CAMK1D: variants seen among roughly 807,000 people sequenced by gnomAD.
CAMK1D encodes the protein calcium/calmodulin dependent protein kinase ID.
A neutral mutation model predicts 47.7 loss-of-function variants in CAMK1D; 9 were observed. The ratio of observed to expected loss-of-function variants is 0.19; its 90% CI spans 0.11 to 0.33. CAMK1D has a LOEUF of 0.33. CAMK1D is among the 10% of genes least tolerant of loss of function. The pLI is 1.00. For missense variants in CAMK1D, 291 were observed against 488.7 expected, an observed-to-expected ratio of 0.60 and a Z score of 3.81; for synonymous variants, 184 against 184.9, an observed-to-expected ratio of 0.99 and a Z score of 0.04.
chr10:12,468,168 G>A (rs893672167), intron 1 of CAMK1D, among the ~76,000 whole-genome samples: 4 of 152,168 alleles, frequency 2.6e-5, no homozygotes, highest in African/African-American at 9.7e-5. Context: ...TGATCCTCCC[G>A]CCTCAGCTTC....
intron 5 of CAMK1D, among the ~76,000 whole-genome samples, chr10:12,786,490 C>T (rs1837727592): frequency 6.6e-6 from 1 of 152,238 alleles, no homozygotes; most frequent in Non-Finnish European, 1.5e-5. Context: ...TAATTTAGAA[C>T]TTTTCCCCCA....
intron 2 of CAMK1D, among the ~76,000 whole-genome samples, chr10:12,662,733 T>A (rs1840311307): frequency 6.6e-6 from 1 of 152,114 alleles, no homozygotes. Flanking sequence ...AACTGGATAT[T>A]CAGTAATTAA....
intron 3 of CAMK1D, among the ~76,000 whole-genome samples, chr10:12,692,507 A>T (rs1407044024): frequency 6.6e-6 from 1 of 152,242 alleles, no homozygotes; most frequent in Non-Finnish European, 1.5e-5. Context: ...GAAATGTCAT[A>T]ACGTTGTTTA....
chr10:12,553,218 T>C lies in CAMK1D; in HGVS notation c.93-7T>C. On this transcript the variant is annotated splice_region_variant and splice_polypyrimidine_tract_variant and intron_variant, in intron 1 of 10. Coordinates refer to ENST00000619168, the MANE Select transcript of CAMK1D (RefSeq NM_153498.4). ...CTAAGTGTTCTTTTTTCCTTCTTTG[T>C]TCACAGCGGGGCCTTTTCCGAAGTG... The C allele has an allele frequency of 6.2e-7, 1 of 1,614,084 alleles. No homozygotes were observed. The highest frequency in any genetic ancestry group is 8.5e-7 in the Non-Finnish European group (1 of 1,179,952).
intron 1 of CAMK1D, among the ~76,000 whole-genome samples, chr10:12,464,108 C>T (rs1418219515): frequency 6.6e-6 from 1 of 152,154 alleles, no homozygotes; most frequent in Non-Finnish European, 1.5e-5. Context: ...GACTAATACA[C>T]CCCTGCTTAG....
intron 6 of CAMK1D, among the ~76,000 whole-genome samples, chr10:12,810,570 C>T (rs567610801): frequency 4.6e-5 from 7 of 152,202 alleles, no homozygotes; most frequent in Non-Finnish European, 7.3e-5. Context: ...CCACCACACC[C>T]GGCCCAGGTA....
chr10:12,578,899 G>A (rs1360113260), intron 2 of CAMK1D: 1 of 154,176 alleles, frequency 6.5e-6, no homozygotes, highest in Admixed American at 6.5e-5. Context: ...GTTTTCAGGT[G>A]CTATGTGAAC....
chr10:12,368,197 T>TC (rs1837901142), intron 1 of CAMK1D, among the ~76,000 whole-genome samples: 1 of 43,714 alleles, frequency 2.3e-5, no homozygotes, highest in African/African-American at 7.7e-5. Flanking sequence ...AGACTCCGTC[T>TC]CAAAAAAAAA....
intron 1 of CAMK1D, among the ~76,000 whole-genome samples, chr10:12,363,026 T>C (rs1373878296): frequency 6.7e-6 from 1 of 150,132 alleles, no homozygotes; most frequent in Non-Finnish European, 1.5e-5. Context: ...CTGCAGGCTC[T>C]TCCTCCCGGG....
chr10:12,786,343 T>C (rs558377191), intron 5 of CAMK1D, among the ~76,000 whole-genome samples: 1 of 152,292 alleles, frequency 6.6e-6, no homozygotes, highest in Non-Finnish European at 1.5e-5. Flanking sequence ...AAAAAATATT[T>C]GTATTTTGTT....
intron 1 of CAMK1D, among the ~76,000 whole-genome samples, chr10:12,481,346 G>T (rs1399446603): frequency 6.6e-6 from 1 of 152,046 alleles, no homozygotes; most frequent in African/African-American, 2.4e-5. Flanking sequence ...CAGTACACCA[G>T]GACCATTTTC....
chr10:12,781,609 G>A (rs1837495163), intron 5 of CAMK1D, among the ~76,000 whole-genome samples: 1 of 152,068 alleles, frequency 6.6e-6, no homozygotes, highest in Admixed American at 6.5e-5. Flanking sequence ...TGAAACTCGA[G>A]GCTACTGGAC....
chr10:12,828,677 C>CCCA, intron 10 of CAMK1D, 92 bp from the exon 11 acceptor site: 4 of 1,016,568 alleles, frequency 3.9e-6, no homozygotes, highest in East Asian at 2.7e-5. Flanking sequence ...CGCCCCCCAC[C>CCCA]ATAAACCCAG....
chr10:12,405,445 A>G (rs1839384367), intron 1 of CAMK1D, among the ~76,000 whole-genome samples: 1 of 152,200 alleles, frequency 6.6e-6, no homozygotes, highest in Non-Finnish European at 1.5e-5. Flanking sequence ...CAGTCCAGAG[A>G]CAGGCAGTGA....
At chr10:12,490,921 G>A (rs1045158919) in intron 1 of CAMK1D, among the ~76,000 whole-genome samples, 3 of 152,126 alleles carry the variant, frequency 2.0e-5, no homozygotes, top group Admixed American at 6.6e-5. Context: ...CCATAAATAT[G>A]TCCAACGATT....
intron 1 of CAMK1D, among the ~76,000 whole-genome samples, chr10:12,552,022 GCA>G (rs1030119170): frequency 1.5e-4 from 23 of 152,328 alleles, no homozygotes; most frequent in Admixed American, 1.4e-3. Flanking sequence ...ACTTCCCTGT[GCA>G]CAGAGCCCAA....
At chr10:12,417,901 A>G (rs890396660) in intron 1 of CAMK1D, among the ~76,000 whole-genome samples, 1 of 151,680 alleles carries the variant, frequency 6.6e-6, no homozygotes, top group Non-Finnish European at 1.5e-5. Flanking sequence ...TCCTGGGTTC[A>G]GGTGATTCTC....
At chr10:12,771,206 A>G (rs535238632) in intron 5 of CAMK1D, among the ~76,000 whole-genome samples, 139 of 152,316 alleles carry the variant, frequency 9.1e-4, no homozygotes, top group Middle Eastern at 3.4e-3. Context: ...CCAGGATTAC[A>G]GGCATGAGCC....
At chr10:12,645,151 T>C (rs557507226) in intron 2 of CAMK1D, among the ~76,000 whole-genome samples, 2 of 152,316 alleles carry the variant, frequency 1.3e-5, no homozygotes, top group African/African-American at 4.8e-5. Context: ...CCATGAAGTA[T>C]ATGAGGCTCA....
Sources: gnomAD v4.1 joint callset for allele counts (sites outside exome capture counted in the v4.1 genomes callset) on GRCh38, gnomAD v4.1.1 for gene constraint, MANE v1.5 for transcripts, NCBI Gene and HGNC (gene_info 2026-07-23, HGNC 2026-07-21) for gene names.